ARID1B: variants seen among roughly 807,000 people sequenced by gnomAD.
ARID1B encodes AT-rich interaction domain 1B.
In ARID1B, 30 loss-of-function variants were observed where a neutral mutation model predicts 212.3. The observed-to-expected ratio is 0.14, with a 90% CI of 0.11 to 0.19. ARID1B has a LOEUF of 0.19. Ranked by LOEUF, ARID1B falls within the 10% of genes least tolerant of loss-of-function variation. The probability of loss-of-function intolerance (pLI) is 1.00; values close to 1 mark genes in which losing one functional copy is unlikely to be tolerated. For missense variants in ARID1B, 2,891 were observed against 3,204.0 expected, an observed-to-expected ratio of 0.90 and a Z score of 2.36; for synonymous variants, 1,402 against 1,301.7, an observed-to-expected ratio of 1.08 and a Z score of -1.66.
chr6:156,927,516 C>T (rs189084292), intron 3 of ARID1B, among the ~76,000 whole-genome samples: 292 of 152,214 alleles, frequency 1.9e-3, no homozygotes, highest in Non-Finnish European at 3.5e-3. Flanking sequence ...GATCCCCACC[C>T]CACCCCCGCT....
At chr6:157,087,313 T>A (rs1785021088) in intron 5 of ARID1B, among the ~76,000 whole-genome samples, 1 of 152,214 alleles carries the variant, frequency 6.6e-6, no homozygotes, top group Non-Finnish European at 1.5e-5. Context: ...ATAAACAATT[T>A]TGGCATTTAT....
intron 4 of ARID1B, among the ~76,000 whole-genome samples, chr6:157,032,562 A>G (rs1434428591): frequency 5.9e-5 from 9 of 152,206 alleles, no homozygotes; most frequent in Admixed American, 5.9e-4. Flanking sequence ...ATAGATGTTG[A>G]GAAACCTAGG....
intron 4 of ARID1B, among the ~76,000 whole-genome samples, chr6:157,038,605 TAAAAG>T (rs1380544492): frequency 2.0e-5 from 3 of 152,224 alleles, no homozygotes; most frequent in Non-Finnish European, 4.4e-5. Context: ...CAAAAATTAC[TAAAAG>T]AAATTATTCT....
rs138347105 is a variant in ARID1B at position 157,146,610 on chromosome 6, GCA to G, written c.2762-2001_2762-2000del. ...TTGTTTTCACCCTTGCTGCTTTACT[GCA>G]CACACACACACATGCATACCCATAC... is the stretch of plus-strand genomic sequence containing the variant. On this transcript the variant is annotated intron_variant, in intron 7 of 19. Transcript: ENST00000636930. Among the ~76,000 whole-genome samples the G allele has an allele frequency of 4.3e-4, 65 of 151,892 alleles. 1 individual carries two copies. In the South Asian group the frequency reaches 0.012, roughly 28 times the overall value.
intron 6 of ARID1B, among the ~76,000 whole-genome samples, chr6:157,123,912 A>T (rs1002711149): frequency 1.3e-5 from 2 of 152,248 alleles, no homozygotes; most frequent in African/African-American, 4.8e-5. Flanking sequence ...TGAACTAGTA[A>T]GTGGTGAAGA....
chr6:157,188,052 G>A (rs1423707022), intron 13 of ARID1B, among the ~76,000 whole-genome samples: 4 of 151,840 alleles, frequency 2.6e-5, no homozygotes, highest in South Asian at 2.1e-4. Flanking sequence ...AGGGTTTTAC[G>A]CAAATTTGGT....
intron 4 of ARID1B, among the ~76,000 whole-genome samples, chr6:156,986,321 G>A (rs1777913793): frequency 6.6e-6 from 1 of 152,148 alleles, no homozygotes; most frequent in African/African-American, 2.4e-5. Flanking sequence ...GAACAGGCTT[G>A]TAGCTAATTG....
intron 4 of ARID1B, among the ~76,000 whole-genome samples, chr6:157,010,472 A>T (rs1779529998): frequency 6.6e-6 from 1 of 151,636 alleles, no homozygotes; most frequent in Admixed American, 6.6e-5. Flanking sequence ...ACAGGCAAGC[A>T]CTGCCACACC....
At chr6:157,137,394 G>A (rs1789007190) in intron 7 of ARID1B, among the ~76,000 whole-genome samples, 1 of 152,204 alleles carries the variant, frequency 6.6e-6, no homozygotes, top group Non-Finnish European at 1.5e-5. Flanking sequence ...TGCAAGGAAA[G>A]AGGACTGTGG....
At chr6:157,089,547 C>G (rs1047876615) in intron 5 of ARID1B, among the ~76,000 whole-genome samples, 1 of 152,134 alleles carries the variant, frequency 6.6e-6, no homozygotes, top group Non-Finnish European at 1.5e-5. Context: ...TTGCACATTC[C>G]TGGGCTCCAG....
intron 4 of ARID1B, among the ~76,000 whole-genome samples, chr6:156,956,694 G>A (rs1562509629): frequency 6.6e-6 from 1 of 152,204 alleles, no homozygotes; most frequent in Non-Finnish European, 1.5e-5. Context: ...TTTATAGCAT[G>A]TGTAGCAGGC....
chr6:156,973,506 A>G (rs1425822175), intron 4 of ARID1B, among the ~76,000 whole-genome samples: 2 of 152,232 alleles, frequency 1.3e-5, no homozygotes, highest in East Asian at 3.8e-4. Context: ...CATCTTCTGC[A>G]TGTCTTTTAC....
chr6:157,174,060 G>T lies in ARID1B; in HGVS notation c.3288G>T (p.Leu1096=). ...MMSPGESKLP[L]PLKADGKEEG... is the part of the protein sequence containing the mutation. ...CTCCTGGTGAATCCAAACTGCCCCT[G>T]CCTCTCAAAGCAGACGGCAAAGAAG... Residue 1096 remains leucine (L), a synonymous_variant, in exon 10 of 20, where the codon CTG becomes CTT. Coordinates refer to ENST00000636930, the MANE Select transcript of ARID1B (RefSeq NM_001374828.1). The T allele has an allele frequency of 1.2e-6, 2 of 1,614,086 alleles. No individual in the cohort carries two copies.
chr6:157,041,588 C>T (rs112635692), intron 4 of ARID1B, among the ~76,000 whole-genome samples: 3 of 152,130 alleles, frequency 2.0e-5, no homozygotes, highest in African/African-American at 7.2e-5. Flanking sequence ...GAAAAAAGCA[C>T]GTTTTTATTT....
chr6:156,780,115 C>T (rs1291966749), intron 1 of ARID1B, among the ~76,000 whole-genome samples: 3 of 152,122 alleles, frequency 2.0e-5, no homozygotes, highest in Non-Finnish European at 4.4e-5. Flanking sequence ...TTTACAACGA[C>T]ATGGAGGTGC....
intron 2 of ARID1B, among the ~76,000 whole-genome samples, chr6:156,835,828 AC>A (rs1583131489): frequency 2.0e-5 from 3 of 151,960 alleles, no homozygotes. Flanking sequence ...TGCGGCCTTG[AC>A]CTCCTGGGCT....
chr6:156,884,906 C>T (rs534350257), intron 2 of ARID1B, among the ~76,000 whole-genome samples: 1 of 152,280 alleles, frequency 6.6e-6, no homozygotes, highest in East Asian at 1.9e-4. Flanking sequence ...TCCTTCCGGA[C>T]TACAGTGTTG....
At chr6:156,866,361 G>A (rs569347836) in intron 2 of ARID1B, among the ~76,000 whole-genome samples, 15 of 152,224 alleles carry the variant, frequency 9.9e-5, no homozygotes, top group South Asian at 2.1e-4. Context: ...CACTATACTC[G>A]GAGGTGTCTG....
intron 2 of ARID1B, among the ~76,000 whole-genome samples, chr6:156,896,186 T>C (rs574458693): frequency 3.3e-5 from 5 of 152,316 alleles, no homozygotes; most frequent in African/African-American, 1.2e-4. Context: ...TGAATATCCT[T>C]CCTGGAACAT....
Sources: allele counts gnomAD v4.1 joint callset (sites outside exome capture counted in the v4.1 genomes callset), GRCh38; gene constraint gnomAD v4.1.1; transcripts MANE v1.5; gene names NCBI Gene and HGNC (gene_info 2026-07-23, HGNC 2026-07-21).